Variants in MATN2 observed in about 807,000 individuals in gnomAD.
The protein encoded by MATN2 is matrilin 2.
A neutral mutation model predicts 103.2 loss-of-function variants in MATN2; 69 were observed. The ratio of observed to expected loss-of-function variants is 0.67; its 90% confidence interval spans 0.55 to 0.82. MATN2 has a LOEUF of 0.82. MATN2 is among the 40% of genes least tolerant of loss of function. The probability of loss-of-function intolerance (pLI) is 0.00; values close to 1 mark genes in which losing one functional copy is unlikely to be tolerated. For missense variants in MATN2, 1,023 were observed against 1,211.5 expected (o/e 0.84, Z 2.31); for synonymous variants, 429 against 450.2 (o/e 0.95, Z 0.60).
intron 7 of MATN2, among the ~76,000 whole-genome samples, chr8:97,996,019 G>T (rs1447651891): frequency 6.6e-6 from 1 of 152,184 alleles, no homozygotes; most frequent in Non-Finnish European, 1.5e-5. Flanking sequence ...CTAGGAGTGG[G>T]TGTGTGAGGG....
At chr8:97,907,006 T>C (rs1819193176) in intron 2 of MATN2, among the ~76,000 whole-genome samples, 1 of 148,846 alleles carries the variant, frequency 6.7e-6, no homozygotes, top group Admixed American at 6.7e-5. Context: ...ACTTTTTTTT[T>C]TTTTTTTTTT....
chr8:97,958,005 C>T (rs993392535), intron 4 of MATN2, among the ~76,000 whole-genome samples: 3 of 152,194 alleles, frequency 2.0e-5, no homozygotes, highest in Non-Finnish European at 4.4e-5. Flanking sequence ...ACAAGCATAT[C>T]CTTGCCTTTC....
intron 2 of MATN2, among the ~76,000 whole-genome samples, chr8:97,910,977 CTTAGT>C (rs778888447): frequency 2.0e-5 from 3 of 151,614 alleles, no homozygotes; most frequent in Non-Finnish European, 4.4e-5. Flanking sequence ...CTCTATTTAA[CTTAGT>C]TTATTTATTT....
chr8:97,885,650 T>C (rs1211214455), intron 1 of MATN2, among the ~76,000 whole-genome samples: 5 of 151,628 alleles, frequency 3.3e-5, no homozygotes, highest in African/African-American at 1.2e-4. Flanking sequence ...AGAGTTTAAA[T>C]AGGCTGGGTG....
chr8:97,892,161 C>T (rs374793663), intron 2 of MATN2, among the ~76,000 whole-genome samples: 28 of 150,216 alleles, frequency 1.9e-4, no homozygotes, highest in South Asian at 1.7e-3. Flanking sequence ...CACTTGAACC[C>T]GGGAGGCGGA....
In MATN2 at chr8:98,001,741, G is replaced by A. The variant is rs529877363; in HGVS notation, c.1205-1920G>A. On this transcript the variant is annotated intron_variant, in intron 7 of 18. Transcript: ENST00000254898. ...GATCTGCCCACCTTGGCCTTCCAAA[G>A]TGCTGGGATTACAGGCATGAGCCAC... Among the ~76,000 whole-genome samples the A allele has an allele frequency of 7.2e-4, 109 of 152,250 alleles. 2 individuals carry two copies. The highest frequency in any genetic ancestry group is 2.6e-3 in the African/African-American group (108 of 41,514).
In MATN2 at chr8:98,033,880, C is replaced by A. The variant is rs531326713; in HGVS notation, c.2815+221C>A. 6 of 528,306 alleles carry A rather than the reference C, an allele frequency of 1.1e-5. No individual in the cohort carries two copies. The East Asian group carries it at 1.9e-4, about 16-fold the overall frequency. The allele number at this position is 528,306 out of a possible 1,614,324, so 32.7% of individuals were successfully genotyped here. On this transcript the variant is annotated intron_variant, in intron 18 of 18. Transcript: ENST00000254898. ...CAGCAGTCAAGCACTTAGTTGCCAT[C>A]GGCTGTTCTCGGGGGCTTAGCAATA...
chr8:97,887,076 G>C (rs1818457530), intron 1 of MATN2, among the ~76,000 whole-genome samples: 1 of 152,022 alleles, frequency 6.6e-6, no homozygotes, highest in Non-Finnish European at 1.5e-5. Context: ...ATTTTTAGTA[G>C]AGATTGGGTT....
rs146982976 is a variant in MATN2, at chr8:97,978,901, C to T, written c.974C>T (p.Ala325Val). The T allele has an allele frequency of 1.7e-3, 2,749 of 1,613,732 alleles. 32 individuals are homozygous for T. The African/African-American group carries it at 0.026, about 15-fold the overall frequency. The change falls in exon 6 of 19, where the codon GCC (alanine) becomes GTC (valine). Residue 325 changes from alanine to valine, a missense_variant. Coordinates refer to ENST00000254898, the MANE Select transcript of MATN2 (RefSeq NM_002380.5). ...TTCTCTCCAGCTGTGGACTACTGTG[C>T]CTCAGAAAACCACGGATGTGAACAT... Reference protein sequence around the residue: ...GKRCVAVDYCASENHGCEHEC... With the variant: ...GKRCVAVDYCVSENHGCEHEC...
At chr8:97,934,911 C>T (rs1441000751) in intron 3 of MATN2, among the ~76,000 whole-genome samples, 1 of 152,222 alleles carries the variant, frequency 6.6e-6, no homozygotes, top group African/African-American at 2.4e-5. Context: ...TCTTGCATTA[C>T]TCAGCTTTTA....
intron 15 of MATN2, chr8:98,031,344 A>G (rs1286270041): frequency 1.3e-5 from 2 of 152,178 alleles, no homozygotes; most frequent in Non-Finnish European, 2.9e-5. Context: ...TCTCAAAAAA[A>G]GAAAAAAAAA....
intron 5 of MATN2, among the ~76,000 whole-genome samples, chr8:97,976,317 A>C (rs952506859): frequency 6.6e-6 from 1 of 152,030 alleles, no homozygotes; most frequent in Non-Finnish European, 1.5e-5. Context: ...CCATATTGGC[A>C]AGGCTGGTCT....
intron 5 of MATN2, among the ~76,000 whole-genome samples, chr8:97,964,211 A>G (rs1279519190): frequency 6.6e-6 from 1 of 152,158 alleles, no homozygotes; most frequent in Non-Finnish European, 1.5e-5. Flanking sequence ...CCAAACTGAA[A>G]GTTAACCAGG....
chr8:98,000,604 A>AAAAAAAAGAAAAAG (rs1554613598), intron 7 of MATN2, among the ~76,000 whole-genome samples: 1 of 127,284 alleles, frequency 7.9e-6, no homozygotes, highest in African/African-American at 3.0e-5. Context: ...CTCAAAAAAA[A>AAAAAAAAGAAAAAG]AAAAAAGAAA....
At chr8:97,871,377 T>C (rs1817891771) in intron 1 of MATN2, among the ~76,000 whole-genome samples, 1 of 152,040 alleles carries the variant, frequency 6.6e-6, no homozygotes, top group African/African-American at 2.4e-5. Context: ...GTGTGACAGG[T>C]CTAACGCTGG....
intron 2 of MATN2, among the ~76,000 whole-genome samples, chr8:97,900,658 G>A (rs544622025): frequency 6.6e-5 from 10 of 152,254 alleles, no homozygotes; most frequent in African/African-American, 1.7e-4. Flanking sequence ...AGAACCAGCC[G>A]GGCGTGGTGA....
intron 2 of MATN2, among the ~76,000 whole-genome samples, chr8:97,911,775 G>A (rs1289533882): frequency 2.0e-5 from 3 of 152,140 alleles, no homozygotes; most frequent in Non-Finnish European, 4.4e-5. Flanking sequence ...AGTGGGGACT[G>A]GAACACAGGT....
intron 15 of MATN2, chr8:98,031,405 G>A (rs1386311378): frequency 1.3e-5 from 2 of 152,090 alleles, no homozygotes; most frequent in Non-Finnish European, 2.9e-5. Context: ...AGCTACCATT[G>A]TTTGCGCCCT....
chr8:97,916,811 C>T (rs1342462764), intron 2 of MATN2, among the ~76,000 whole-genome samples: 1 of 152,194 alleles, frequency 6.6e-6, no homozygotes, highest in Non-Finnish European at 1.5e-5. Flanking sequence ...TTCATTTTGG[C>T]TCTCTCACAA....
Sources: allele counts gnomAD v4.1 joint callset (sites outside exome capture counted in the v4.1 genomes callset), GRCh38; gene constraint gnomAD v4.1.1; transcripts MANE v1.5; gene names NCBI Gene and HGNC (gene_info 2026-07-23, HGNC 2026-07-21).